MOXD1: variants seen among roughly 807,000 people sequenced by gnomAD.
MOXD1 encodes the protein DBH-like monooxygenase protein 1.
Under a neutral mutation model 66.6 loss-of-function variants are expected in MOXD1, and 62 were observed. The observed-to-expected ratio is 0.93, with a 90% CI of 0.76 to 1.15. MOXD1 has a LOEUF of 1.15. Ranked by LOEUF, MOXD1 falls within the 50% of genes most tolerant of loss-of-function variation. The pLI, the probability that MOXD1 is intolerant of heterozygous loss-of-function variation, is 0.00. For synonymous variants in MOXD1, 303 were observed against 281.9 expected (o/e 1.07, Z -0.75); for missense variants, 847 against 754.6 (o/e 1.12, Z -1.44).
chr6:132,329,691 G>C (rs188818868), intron 4 of MOXD1, among the ~76,000 whole-genome samples: 2 of 151,868 alleles, frequency 1.3e-5, no homozygotes, highest in East Asian at 3.9e-4. Context: ...CTGACCTCCA[G>C]ATTACAAATT....
intron 4 of MOXD1, among the ~76,000 whole-genome samples, chr6:132,342,788 G>T (rs773510920): frequency 2.6e-5 from 4 of 152,166 alleles, no homozygotes; most frequent in Non-Finnish European, 4.4e-5. Context: ...AAATGATTCA[G>T]AGAACTTTTC....
Position 132,315,666 on chromosome 6 carries a change from T to C in MOXD1, c.1477A>G (p.Ile493Val), listed in dbSNP as rs762337716. 9 of 1,613,464 alleles carry C rather than the reference T, an allele frequency of 5.6e-6. No homozygotes were observed. The South Asian group carries it at 7.7e-5, about 14-fold the overall frequency. Residue 493 changes from isoleucine to valine, a missense_variant, in exon 10 of 12, where the codon ATT becomes GTT. Transcript: ENST00000367963. Reference sequence around the variant, plus strand: ...GGTCTGTAGATCTCCTTAACCCCAATGAACTGAAGTTGTTCCATAATGTCT... The same window carrying C: ...GGTCTGTAGATCTCCTTAACCCCAACGAACTGAAGTTGTTCCATAATGTCT... Reference protein sequence around the residue: ...IPDIMEQLQFIGVKEIYRPVT... With the variant: ...IPDIMEQLQFVGVKEIYRPVT...
intron 4 of MOXD1, among the ~76,000 whole-genome samples, chr6:132,335,965 T>G (rs992931543): frequency 2.6e-5 from 4 of 152,180 alleles, no homozygotes; most frequent in Non-Finnish European, 5.9e-5. Context: ...AAAGTACCTT[T>G]CTTGTCTTGT....
In MOXD1 at chr6:132,297,138, C is replaced by G; in HGVS notation, c.*15G>C. ...CAGATCATAGAAAACATTGTCAAGT[C>G]CAACAGAATTTTGATCACAAGCTCT... On this transcript the variant is annotated 3_prime_UTR_variant, in exon 12 of 12. Transcript: ENST00000367963. 1 of 1,611,630 alleles carries G rather than the reference C, an allele frequency of 6.2e-7. No homozygotes were observed. Among genetic ancestry groups the G allele is most frequent in the Non-Finnish European group, 8.5e-7 (1 of 1,178,538 alleles).
intron 10 of MOXD1, among the ~76,000 whole-genome samples, chr6:132,312,320 C>T (rs1774847332): frequency 6.6e-6 from 1 of 152,046 alleles, no homozygotes; most frequent in Non-Finnish European, 1.5e-5. Flanking sequence ...GAGTTTTGTT[C>T]ATATGTTATA....
chr6:132,325,927 C>A (rs368460727), intron 6 of MOXD1, among the ~76,000 whole-genome samples: 7 of 152,308 alleles, frequency 4.6e-5, no homozygotes, highest in Admixed American at 3.3e-4. Context: ...ATTATCAGTG[C>A]AGATACAAAT....
intron 10 of MOXD1, among the ~76,000 whole-genome samples, chr6:132,314,693 G>C (rs771601665): frequency 6.6e-6 from 1 of 152,068 alleles, no homozygotes; most frequent in East Asian, 1.9e-4. Context: ...CACGGAGGTC[G>C]CTGCTCAGAT....
In MOXD1 at chr6:132,322,869, G is replaced by A. The variant is rs1235739392; in HGVS notation, c.1115C>T (p.Ala372Val). The A allele has an allele frequency of 1.2e-6, 2 of 1,608,978 alleles. No homozygotes were observed. The highest frequency in any genetic ancestry group is 1.3e-5 in the African/African-American group (1 of 74,674). Residue 372 changes from alanine (A) to valine (V), a missense_variant and splice_region_variant, in exon 8 of 12, where the codon GCT (alanine) becomes GTT (valine). Transcript: ENST00000367963. ...TCCACTTGGCTTTTCGGCTTCCAGAGCCTACAGGAGACACCGAGGAAGACC... is the reference window on the plus strand; with the variant it reads ...TCCACTTGGCTTTTCGGCTTCCAGAACCTACAGGAGACACCGAGGAAGACC... Reference protein sequence around the residue: ...GHCTLECLEEALEAEKPSGIH... With the variant: ...GHCTLECLEEVLEAEKPSGIH...
chr6:132,302,596 T>C (rs1774566072), intron 10 of MOXD1, among the ~76,000 whole-genome samples: 1 of 152,174 alleles, frequency 6.6e-6, no homozygotes, highest in Admixed American at 6.5e-5. Context: ...TGTTCATAGA[T>C]TAGAAGACTC....
chr6:132,338,936 A>T (rs1003641024), intron 4 of MOXD1, among the ~76,000 whole-genome samples: 8 of 152,194 alleles, frequency 5.3e-5, no homozygotes, highest in Admixed American at 5.2e-4. Context: ...CTGAGTTTTT[A>T]AATGCAATTT....
chr6:132,356,775 T>A (rs2114634781), intron 4 of MOXD1, among the ~76,000 whole-genome samples: 1 of 152,208 alleles, frequency 6.6e-6, no homozygotes, highest in South Asian at 2.1e-4. Flanking sequence ...TATAGAGTGA[T>A]CCTAATTTGT....
chr6:132,349,408 T>TATATATATATATACATATATATATATAC (rs1562289898), intron 4 of MOXD1, among the ~76,000 whole-genome samples: 1 of 9,912 alleles, frequency 1.0e-4, no homozygotes, highest in Non-Finnish European at 1.7e-4. Flanking sequence ...TATATATACA[T>TATATATATATATACATATATATATATAC]ATATATATAT....
At chr6:132,371,860 A>G (rs1776268548) in intron 4 of MOXD1, among the ~76,000 whole-genome samples, 1 of 152,210 alleles carries the variant, frequency 6.6e-6, no homozygotes, top group Non-Finnish European at 1.5e-5. Flanking sequence ...AGTATTCTGT[A>G]TGCACTATTT....
intron 1 of MOXD1, among the ~76,000 whole-genome samples, chr6:132,396,588 A>G (rs111521627): frequency 4.6e-5 from 7 of 152,172 alleles, no homozygotes; most frequent in African/African-American, 1.4e-4. Flanking sequence ...AATAAAAGGA[A>G]GTTAGTTTTT....
intron 10 of MOXD1, among the ~76,000 whole-genome samples, chr6:132,315,085 C>A (rs1346459334): frequency 6.6e-6 from 1 of 152,144 alleles, no homozygotes; most frequent in Non-Finnish European, 1.5e-5. Flanking sequence ...GCAAACAATG[C>A]AGTTTATGCT....
chr6:132,400,401 ATCT>A (rs530564768), intron 1 of MOXD1, among the ~76,000 whole-genome samples: 166 of 151,756 alleles, frequency 1.1e-3, no homozygotes, highest in Non-Finnish European at 1.5e-3. Flanking sequence ...TCATCTCACA[ATCT>A]TCTTCTTCCT....
chr6:132,331,279 C>A (rs1289742078), intron 4 of MOXD1, among the ~76,000 whole-genome samples: 1 of 152,152 alleles, frequency 6.6e-6, no homozygotes, highest in African/African-American at 2.4e-5. Flanking sequence ...CTCATAAATT[C>A]AGGCAGAACC....
rs576819028 is a variant in MOXD1 at position 132,308,826 on chromosome 6, C to A, written c.1508+6809G>T. Among the ~76,000 whole-genome samples, 3 of 152,258 alleles carry A rather than the reference C, an allele frequency of 2.0e-5. No homozygotes were observed. In the East Asian group the frequency reaches 5.8e-4, roughly 29 times the overall value. Reference sequence around the variant, plus strand: ...CCTTTGATAAAATTCAACATCCCTTCATGTTGAAAACTCTCAATAAACAAG... The same window carrying A: ...CCTTTGATAAAATTCAACATCCCTTAATGTTGAAAACTCTCAATAAACAAG... On this transcript the variant is annotated intron_variant, in intron 10 of 11. Coordinates refer to ENST00000367963, the MANE Select transcript of MOXD1 (RefSeq NM_015529.4).
chr6:132,297,154 C>G lies in MOXD1; in HGVS notation c.1841G>C (p.Ter614SerextTer7). 6.2e-7 allele frequency: 1 copy of G among 1,612,722 alleles called. No individual in the cohort carries two copies. Among genetic ancestry groups the G allele is most frequent in the Non-Finnish European group, 8.5e-7 (1 of 1,179,264 alleles). ...LSCTLSTKSL* is the reference protein window; with the variant it reads ...LSCTLSTKSLS ...TTGTCAAGTCCAACAGAATTTTGATCACAAGCTCTTGGTGCTCAGCGTGCA... is the reference window on the plus strand; with the variant it reads ...TTGTCAAGTCCAACAGAATTTTGATGACAAGCTCTTGGTGCTCAGCGTGCA... The change falls in exon 12 of 12, where the codon TGA (stop) becomes TCA (serine). Residue 614 changes from the stop codon to serine (S), a stop_lost. Coordinates refer to ENST00000367963, the MANE Select transcript of MOXD1 (RefSeq NM_015529.4).
Sources: allele counts gnomAD v4.1 joint callset (sites outside exome capture counted in the v4.1 genomes callset), GRCh38; gene constraint gnomAD v4.1.1; transcripts MANE v1.5; gene names NCBI Gene and HGNC (gene_info 2026-07-23, HGNC 2026-07-21).